Variants in MAP4K3 observed in about 807,000 individuals in gnomAD.
MAP4K3 encodes MAPK/ERK kinase kinase kinase 3.
MAP4K3 carries 94 observed loss-of-function variants against 143.5 expected under a neutral mutation model. That is an observed-to-expected ratio of 0.65 (90% CI 0.55 to 0.78). The LOEUF (loss-of-function observed/expected upper bound fraction) is 0.78. Ranked by LOEUF, MAP4K3 falls within the 30% of genes least tolerant of loss-of-function variation. The pLI, the probability that MAP4K3 is intolerant of heterozygous loss-of-function variation, is 0.00. For missense variants in MAP4K3, 1,077 were observed against 1,068.1 expected, an observed-to-expected ratio of 1.01 and a Z score of -0.12; for synonymous variants, 416 against 347.2, an observed-to-expected ratio of 1.20 and a Z score of -2.20.
chr2:39,351,711 C>A (rs1665464329), intron 3 of MAP4K3, among the ~76,000 whole-genome samples: 2 of 152,216 alleles, frequency 1.3e-5, no homozygotes, highest in Admixed American at 6.5e-5. Context: ...CTCTGTCACT[C>A]AGGCTGGAGT....
chr2:39,435,543 C>T (rs1191342863), intron 1 of MAP4K3, among the ~76,000 whole-genome samples: 1 of 152,208 alleles, frequency 6.6e-6, no homozygotes, highest in African/African-American at 2.4e-5. Flanking sequence ...GTCTGATACC[C>T]TAAACAGGAT....
At chr2:39,394,725 G>C (rs1666758282) in intron 1 of MAP4K3, among the ~76,000 whole-genome samples, 1 of 152,182 alleles carries the variant, frequency 6.6e-6, no homozygotes, top group African/African-American at 2.4e-5. Flanking sequence ...GAGAAACGAA[G>C]AGGGCAACTT....
At chr2:39,353,885 A>ATTATTATCATCTGTTT (rs1174422599) in intron 3 of MAP4K3, among the ~76,000 whole-genome samples, 2 of 152,204 alleles carry the variant, frequency 1.3e-5, no homozygotes, top group East Asian at 3.8e-4. Flanking sequence ...TCATGTAGAT[A>ATTATTATCATCTGTTT]TTATTATCAT....
chr2:39,357,566 G>T (rs1023821773), intron 2 of MAP4K3, among the ~76,000 whole-genome samples: 1 of 152,178 alleles, frequency 6.6e-6, no homozygotes, highest in African/African-American at 2.4e-5. Context: ...AAATAATGGA[G>T]AAGAGACAGT....
chr2:39,299,695 C>A (rs780376069), intron 16 of MAP4K3, 48 bp downstream of exon 16: 3 of 1,045,604 alleles, frequency 2.9e-6, no homozygotes, highest in African/African-American at 1.6e-5. Flanking sequence ...TTAAAGGCAA[C>A]TTAATAATTC....
intron 1 of MAP4K3, among the ~76,000 whole-genome samples, chr2:39,431,029 C>G (rs1481618307): frequency 6.6e-6 from 1 of 152,164 alleles, no homozygotes; most frequent in African/African-American, 2.4e-5. Context: ...CTCTTCTAGG[C>G]TCTGGGGATA....
intron 2 of MAP4K3, among the ~76,000 whole-genome samples, chr2:39,368,294 T>C (rs1236024033): frequency 6.6e-6 from 1 of 150,788 alleles, no homozygotes; most frequent in Non-Finnish European, 1.5e-5. Context: ...GTGTAGATTT[T>C]AAGGGAAGTG....
At chr2:39,297,381 G>C (rs1455247465) in intron 16 of MAP4K3, among the ~76,000 whole-genome samples, 1 of 152,136 alleles carries the variant, frequency 6.6e-6, no homozygotes, top group Non-Finnish European at 1.5e-5. Context: ...GCCTCCAAAA[G>C]TGCTGGGATT....
chr2:39,436,781 T>G, intron 1 of MAP4K3, 111 bp downstream of exon 1: 1 of 881,976 alleles, frequency 1.1e-6, no homozygotes, highest in Non-Finnish European at 1.8e-6. Context: ...CCTCCCCGAC[T>G]GCTCCCTGGC....
rs571791380 is a variant in MAP4K3, at chr2:39,286,181, T to A, written c.1587+671A>T. Among the ~76,000 whole-genome samples, 84 of 152,336 alleles carry A rather than the reference T, an allele frequency of 5.5e-4. 1 individual carries two copies. Among genetic ancestry groups the A allele is most frequent in the African/African-American group, 1.9e-3 (77 of 41,576 alleles). ...GGGGATGAAACTGTTCCACCTCAGA[T>A]AATCAGGCATTAGTTACATTCGTGT... On this transcript the variant is annotated intron_variant, in intron 21 of 33. Coordinates refer to ENST00000263881, the MANE Select transcript of MAP4K3 (RefSeq NM_003618.4).
At chr2:39,349,106 T>C (rs1665378153) in intron 3 of MAP4K3, among the ~76,000 whole-genome samples, 1 of 152,232 alleles carries the variant, frequency 6.6e-6, no homozygotes. Flanking sequence ...TCCTGTACTG[T>C]ACTGTGAGTT....
At chr2:39,400,568 T>C (rs1404114604) in intron 1 of MAP4K3, among the ~76,000 whole-genome samples, 1 of 152,140 alleles carries the variant, frequency 6.6e-6, no homozygotes, top group Non-Finnish European at 1.5e-5. Flanking sequence ...ATTATTTACA[T>C]TTCCAGTGCC....
At chr2:39,352,475 C>G (rs1416305549) in intron 3 of MAP4K3, among the ~76,000 whole-genome samples, 1 of 151,986 alleles carries the variant, frequency 6.6e-6, no homozygotes, top group African/African-American at 2.4e-5. Flanking sequence ...TAGTTAAGCT[C>G]CAAAAGAATT....
chr2:39,282,428 TCAAA>T, intron 22 of MAP4K3, 81 bp downstream of exon 22: 1 of 1,123,388 alleles, frequency 8.9e-7, no homozygotes, highest in African/African-American at 1.6e-5. Context: ...GAAAGTTCTT[TCAAA>T]CAGACAAAAA....
chr2:39,326,892 ATGATTGTAAGTTTTC>A (rs1425831124), intron 8 of MAP4K3, among the ~76,000 whole-genome samples: 5 of 152,104 alleles, frequency 3.3e-5, no homozygotes. Flanking sequence ...GCCTTACTCC[ATGATTGTAAGTTTTC>A]TGAGGCCTCC....
intron 29 of MAP4K3, among the ~76,000 whole-genome samples, chr2:39,259,373 G>T (rs1488000077): frequency 6.6e-6 from 1 of 152,122 alleles, no homozygotes; most frequent in Non-Finnish European, 1.5e-5. Flanking sequence ...TCTGATGAAT[G>T]CTCAAGTCTG....
chr2:39,424,285 T>G (rs72801482), intron 1 of MAP4K3, among the ~76,000 whole-genome samples: 2,166 of 151,946 alleles, frequency 0.014, 26 homozygotes, highest in Non-Finnish European at 0.022. Context: ...TGAATTAAGA[T>G]GGAAAGTGGA....
intron 23 of MAP4K3, among the ~76,000 whole-genome samples, chr2:39,279,382 T>C (rs17023542): frequency 0.045 from 6,917 of 152,272 alleles, 173 homozygotes; most frequent in South Asian, 0.055. Flanking sequence ...CCTCTCTGAG[T>C]GCCAATTTCC....
At chr2:39,267,276 T>C in intron 26 of MAP4K3, 29 bp from the exon 27 acceptor site, 1 of 1,545,730 alleles carries the variant, frequency 6.5e-7, no homozygotes, top group African/African-American at 1.4e-5. Context: ...GAGTACGTAA[T>C]ATATGTAGGC....
Sources: gnomAD v4.1 joint callset for allele counts (sites outside exome capture counted in the v4.1 genomes callset) on GRCh38, gnomAD v4.1.1 for gene constraint, MANE v1.5 for transcripts, NCBI Gene and HGNC (gene_info 2026-07-23, HGNC 2026-07-21) for gene names.